The following CILP variants were observed in gnomAD, a reference collection of about 807,000 sequenced individuals.
CILP encodes cartilage intermediate layer protein.
A neutral mutation model predicts 82.5 loss-of-function variants in CILP; 75 were observed. The observed-to-expected ratio is 0.91, with a 90% CI of 0.75 to 1.10. The LOEUF is 1.10. Ranked by LOEUF, CILP falls within the 50% of genes least tolerant of loss-of-function variation. The pLI, the probability that CILP is intolerant of heterozygous loss-of-function variation, is 0.00. For synonymous variants in CILP, 530 were observed against 580.3 expected (o/e 0.91, Z 1.25); for missense variants, 1,479 against 1,530.8 (o/e 0.97, Z 0.56).
In CILP at chr15:65,197,182, C is replaced by T. The variant is rs905659869; in HGVS notation, c.3104G>A (p.Arg1035Gln). 1.2e-5 allele frequency: 20 copies of T among 1,613,884 alleles called. No individual in the cohort carries two copies. The highest frequency in any genetic ancestry group is 1.4e-5 in the Non-Finnish European group (16 of 1,180,012). The change falls in exon 9 of 9, where the codon CGA (arginine) becomes CAA (glutamine). Residue 1035 changes from arginine (R) to glutamine (Q), a missense_variant. Arg to Gln is a conservative substitution (Grantham distance 43). Coordinates refer to ENST00000261883, the MANE Select transcript of CILP (RefSeq NM_003613.4). ...ATGCAGCATGGGGTTCACACTGGCTCGACGGCAGCTGCCCTGGGGGATGAC... is the reference window on the plus strand; with the variant it reads ...ATGCAGCATGGGGTTCACACTGGCTTGACGGCAGCTGCCCTGGGGGATGAC... ...VKVIPQGSCRRASVNPMLHEY... is the reference protein window; with the variant it reads ...VKVIPQGSCRQASVNPMLHEY...
chr15:65,205,213 G>T, intron 5 of CILP, 74 bp downstream of exon 5: 1 of 1,411,492 alleles, frequency 7.1e-7, no homozygotes, highest in South Asian at 1.3e-5. Flanking sequence ...GTCTCAAACT[G>T]ACCCTCTAAC....
chr15:65,195,862 T>G lies in CILP; in HGVS notation c.*869A>C, dbSNP rs1566991706. ...TGTGATCCATGAGAACAAATTTGAC[T>G]GCTGGAGTGTGTGCCTATGTTGCCC... On this transcript the variant is annotated 3_prime_UTR_variant, in exon 9 of 9. Coordinates refer to ENST00000261883, the MANE Select transcript of CILP (RefSeq NM_003613.4). The G allele has an allele frequency of 1.3e-5, 2 of 152,282 alleles. No individual in the cohort carries two copies. Among genetic ancestry groups the G allele is most frequent in the South Asian group, 2.1e-4 (1 of 4,834 alleles). The allele number at this position is 152,282 out of a possible 1,614,324, so 9.4% of individuals were successfully genotyped here. A position where few individuals can be genotyped will look rare whatever the true frequency, so the allele number is the denominator to read the frequency against.
At chr15:65,199,613 A>G (rs2088425528) in intron 8 of CILP, among the ~76,000 whole-genome samples, 1 of 152,198 alleles carries the variant, frequency 6.6e-6, no homozygotes, top group African/African-American at 2.4e-5. Context: ...GCTTGAGCCT[A>G]GGAGTTCGAG....
rs564502065 is a variant in CILP at position 65,210,433 on chromosome 15, T to C, written c.-106-572A>G. On this transcript the variant is annotated intron_variant, in intron 1 of 8. Transcript: ENST00000261883. Reference sequence around the variant, plus strand: ...TTTTGTTTGGGGCCTGACTGGGAGTTACACAGCCAGGAGCCAGCTGACGGA... The same window carrying C: ...TTTTGTTTGGGGCCTGACTGGGAGTCACACAGCCAGGAGCCAGCTGACGGA... 2.0e-4 allele frequency among the ~76,000 whole-genome samples: 30 copies of C among 152,124 alleles called. No homozygotes were observed. The South Asian group carries it at 6.2e-3, about 32-fold the overall frequency.
chr15:65,205,452 C>T lies in CILP; in HGVS notation c.439G>A (p.Asp147Asn), dbSNP rs1320795825. 6.2e-7 allele frequency: 1 copy of T among 1,609,276 alleles called. No individual in the cohort carries two copies. Among genetic ancestry groups the T allele is most frequent in the Non-Finnish European group, 8.5e-7 (1 of 1,176,418 alleles). Residue 147 changes from aspartate to asparagine, a missense_variant, in exon 5 of 9, where the codon GAC (aspartate) becomes AAC (asparagine). Asp to Asn is a conservative substitution (Grantham distance 23). Coordinates refer to ENST00000261883, the MANE Select transcript of CILP (RefSeq NM_003613.4). ...FLCPPGSLRR[D>N]TERIWSPWSP... Reference sequence around the variant, plus strand: ...CATGGGCTCCAGATGCGCTCTGTGTCTCGGCGCAGGGATCCTGCAAAGTGA... The same window carrying T: ...CATGGGCTCCAGATGCGCTCTGTGTTTCGGCGCAGGGATCCTGCAAAGTGA...
In CILP at chr15:65,205,291, A is replaced by G; in HGVS notation, c.600T>C (p.Cys200=). 1 of 1,608,196 alleles carries G rather than the reference A, an allele frequency of 6.2e-7. No homozygotes were observed. Among genetic ancestry groups the G allele is most frequent in the Non-Finnish European group, 8.5e-7 (1 of 1,176,176 alleles). Residue 200 remains cysteine, a synonymous_variant, in exon 5 of 9, where the codon TGT becomes TGC. Coordinates refer to ENST00000261883, the MANE Select transcript of CILP (RefSeq NM_003613.4). ...TGCCAGGAGGGAGGGTGGTACCTGT[A>G]CAGTCCTGGCCCATGCAGTGCTGAC... ...EEGQHCMGQD[C]TACDLTCPMG... is the part of the protein sequence containing the mutation.
In CILP at chr15:65,198,495, G is replaced by A; in HGVS notation, c.1791C>T (p.Pro597=). The A allele has an allele frequency of 6.2e-7, 1 of 1,614,242 alleles. No individual in the cohort carries two copies. Among genetic ancestry groups the A allele is most frequent in the Non-Finnish European group, 8.5e-7 (1 of 1,180,056 alleles). ...IPLGEVVGED[P]MAELEIPSRS... The stretch of plus-strand genomic sequence containing the variant: ...TGGATGGAATCTCCAGTTCAGCCAT[G>A]GGGTCTTCACCAACCACTTCCCCCA... The change falls in exon 9 of 9, where the codon CCC becomes CCT. Residue 597 remains proline (P), a synonymous_variant. Coordinates refer to ENST00000261883, the MANE Select transcript of CILP (RefSeq NM_003613.4).
intron 4 of CILP, among the ~76,000 whole-genome samples, chr15:65,206,457 G>C (rs921659499): frequency 6.6e-6 from 1 of 152,038 alleles, no homozygotes; most frequent in African/African-American, 2.4e-5. Flanking sequence ...ATCATATTGC[G>C]GGCTCAGAAT....
At chr15:65,201,063 G>A (rs572818083) in intron 8 of CILP, among the ~76,000 whole-genome samples, 8 of 151,806 alleles carry the variant, frequency 5.3e-5, no homozygotes, top group South Asian at 4.2e-4. Flanking sequence ...GTGCAGTGGC[G>A]TGAACTCGGC....
In CILP at chr15:65,198,160, T is replaced by G. The variant is rs1427009353; in HGVS notation, c.2126A>C (p.Glu709Ala). The change falls in exon 9 of 9, where the codon GAG becomes GCG. Residue 709 changes from glutamate (E) to alanine (A), a missense_variant. Physicochemically the swap from Glu to Ala is moderately radical, Grantham distance 107. Coordinates refer to ENST00000261883, the MANE Select transcript of CILP (RefSeq NM_003613.4). ...TTCAAATTTGAAATCACCTTCCTCCTCCCACAGCCCTGTGTCTGGATTGAG... is the reference window on the plus strand; with the variant it reads ...TTCAAATTTGAAATCACCTTCCTCCGCCCACAGCCCTGTGTCTGGATTGAG... ...WSLNPDTGLW[E>A]EEGDFKFENQ... is the part of the protein sequence containing the mutation. 1 of 1,614,242 alleles carries G rather than the reference T, an allele frequency of 6.2e-7. No homozygotes were observed. The highest frequency in any genetic ancestry group is 8.5e-7 in the Non-Finnish European group (1 of 1,180,050).
At chr15:65,204,144 T>A in intron 6 of CILP, 124 bp downstream of exon 6, 1 of 793,052 alleles carries the variant, frequency 1.3e-6, no homozygotes, top group Non-Finnish European at 2.0e-6. Context: ...TAGTGCCATG[T>A]GGGCCATGGT....
rs778660670 is a variant in CILP at position 65,197,051 on chromosome 15, CA to C, written c.3234del (p.Val1079SerfsTer29). 6.2e-7 allele frequency: 1 copy of C among 1,614,170 alleles called. No homozygotes were observed. The highest frequency in any genetic ancestry group is 2.2e-5 in the East Asian group (1 of 44,884). On this transcript the variant is annotated frameshift_variant, in exon 9 of 9. Transcript: ENST00000261883. LOFTEE classifies it high-confidence loss of function. ...GCCGTGCGAGGGTCCTGGTCAGTGA[CA>C]GTGTAGATGCCATAGTTGTGGCCCA... is the stretch of plus-strand genomic sequence containing the variant. ...DPLGHNYGIYTVTDQDPRTAK... is the reference protein window; with the variant it reads ...DPLGHNYGIYXVTDQDPRTAK...
In CILP at chr15:65,204,504, C is replaced by A; in HGVS notation, c.683G>T (p.Gly228Val). Residue 228 changes from glycine to valine, a missense_variant, in exon 6 of 9, where the codon GGG (glycine) becomes GTG (valine). Transcript: ENST00000261883. ...ACMCQDFMLH[G>V]AVSLPGGAPA... ...GGCACCTCCGGGAAGGGAGACAGCCCCATGAAGCATGAAGTCCTGGCACAT... is the reference window on the plus strand; with the variant it reads ...GGCACCTCCGGGAAGGGAGACAGCCACATGAAGCATGAAGTCCTGGCACAT... 5.0e-6 allele frequency: 8 copies of A among 1,613,812 alleles called. No individual in the cohort carries two copies. Among genetic ancestry groups the A allele is most frequent in the East Asian group, 2.2e-5 (1 of 44,876 alleles).
intron 7 of CILP, among the ~76,000 whole-genome samples, chr15:65,202,843 T>TTTC (rs1430835327): frequency 1.3e-5 from 2 of 149,326 alleles, no homozygotes; most frequent in African/African-American, 5.0e-5. Flanking sequence ...GCTTTTTTTT[T>TTTC]TTTTTTTTTT....
chr15:65,198,347 C>T lies in CILP; in HGVS notation c.1939G>A (p.Asp647Asn). Reference sequence around the variant, plus strand: ...CGAAGGGGGAAAGTGTCTCCTTCGTCATTGATGAAGTTCAGGTCAGTCTGG... The same window carrying T: ...CGAAGGGGGAAAGTGTCTCCTTCGTTATTGATGAAGTTCAGGTCAGTCTGG... ...AAQTDLNFINDEGDTFPLRTY... is the reference protein window; with the variant it reads ...AAQTDLNFINNEGDTFPLRTY... The change falls in exon 9 of 9, where the codon GAC (aspartate) becomes AAC (asparagine). Residue 647 changes from aspartate (D) to asparagine (N), a missense_variant. Physicochemically the swap from Asp to Asn is conservative, Grantham distance 23 (BLOSUM62 1). Transcript: ENST00000261883. The T allele has an allele frequency of 6.2e-7, 1 of 1,614,212 alleles. No homozygotes were observed. Among genetic ancestry groups the T allele is most frequent in the Non-Finnish European group, 8.5e-7 (1 of 1,180,052 alleles).
chr15:65,197,983 T>TCACTAGGCAAGAACCTCTCACTC lies in CILP; in HGVS notation c.2280_2302dup (p.Glu768GlyfsTer15), dbSNP rs1247979293. ...GGAGATCACAACCCCCTGGATCTGC[T>TCACTAGGCAAGAACCTCTCACTC]CACTAGGCAAGAACCTCTCACTCCG... On this transcript the variant is annotated frameshift_variant, in exon 9 of 9. Coordinates refer to ENST00000261883, the MANE Select transcript of CILP (RefSeq NM_003613.4). LOFTEE classifies it high-confidence loss of function. The TCACTAGGCAAGAACCTCTCACTC allele has an allele frequency of 1.9e-6, 3 of 1,614,164 alleles. No homozygotes were observed. The highest frequency in any genetic ancestry group is 4.5e-5 in the East Asian group (2 of 44,876).
chr15:65,209,999 CCAGG>C (rs2088567280), intron 1 of CILP, 138 bp from the exon 2 acceptor site: 3 of 475,010 alleles, frequency 6.3e-6, no homozygotes, highest in African/African-American at 5.9e-5. Context: ...AGTTGTGAAA[CCAGG>C]TAGCTTGGGA....
chr15:65,195,752 A>G lies in CILP; in HGVS notation c.*979T>C, dbSNP rs1341033482. 6.6e-6 allele frequency: 1 copy of G among 152,226 alleles called. No individual in the cohort carries two copies. Among genetic ancestry groups the G allele is most frequent in the Non-Finnish European group, 1.5e-5 (1 of 68,050 alleles). 9.4% of individuals were successfully genotyped at this position (152,226 alleles called of 1,614,324 possible). A position where few individuals can be genotyped will look rare whatever the true frequency, so the allele number is the denominator to read the frequency against. On this transcript the variant is annotated 3_prime_UTR_variant, in exon 9 of 9. Transcript: ENST00000261883. Reference sequence around the variant, plus strand: ...AAGTATTGGAAAGAAGGAAAGAAAAAAATCGGGACGTGTTTTTAGTCTTGC... The same window carrying G: ...AAGTATTGGAAAGAAGGAAAGAAAAGAATCGGGACGTGTTTTTAGTCTTGC...
chr15:65,209,763 C>T lies in CILP; in HGVS notation c.-8G>A, dbSNP rs558478622. On this transcript the variant is annotated 5_prime_UTR_variant, in exon 2 of 9. Coordinates refer to ENST00000261883, the MANE Select transcript of CILP (RefSeq NM_003613.4). ...GGCCTTGGTCCCCACCATCTTTCCCCCAAGCCCGTGGGAACGTGGCAAGAG... is the reference window on the plus strand; with the variant it reads ...GGCCTTGGTCCCCACCATCTTTCCCTCAAGCCCGTGGGAACGTGGCAAGAG... 8.7e-6 allele frequency: 14 copies of T among 1,613,816 alleles called. No homozygotes were observed. Among genetic ancestry groups the T allele is most frequent in the Non-Finnish European group, 1.2e-5 (14 of 1,179,910 alleles).
Sources: allele counts gnomAD v4.1 joint callset (sites outside exome capture counted in the v4.1 genomes callset), GRCh38; gene constraint gnomAD v4.1.1; transcripts MANE v1.5; gene names NCBI Gene and HGNC (gene_info 2026-07-23, HGNC 2026-07-21).